NME9: variants seen among roughly 807,000 people sequenced by gnomAD.
NME9 encodes the protein NME/NM23 family member 9.
A neutral mutation model predicts 44.4 loss-of-function variants in NME9; 48 were observed. That is an observed-to-expected ratio of 1.08 (90% CI 0.86 to 1.37). NME9 has a LOEUF of 1.37. NME9 is among the 40% of genes most tolerant of loss of function. NME9 has a pLI of 0.00. For missense variants in NME9, 325 were observed against 405.2 expected (o/e 0.80, Z 1.70); for synonymous variants, 139 against 147.1 (o/e 0.94, Z 0.40).
At chr3:138,288,514 T>C (rs2108376659) in intron 8 of NME9, among the ~76,000 whole-genome samples, 1 of 152,328 alleles carries the variant, frequency 6.6e-6, no homozygotes, top group East Asian at 1.9e-4. Context: ...TGGCAAGGCT[T>C]GTACTCCTCA....
intron 8 of NME9, among the ~76,000 whole-genome samples, chr3:138,274,001 A>G (rs2049025965): frequency 6.6e-6 from 1 of 152,024 alleles, no homozygotes; most frequent in African/African-American, 2.4e-5. Context: ...TATTTGTAGT[A>G]GAGACGGGGT....
At chr3:138,280,283 T>C (rs1005589629) in intron 8 of NME9, among the ~76,000 whole-genome samples, 77 of 141,642 alleles carry the variant, frequency 5.4e-4, no homozygotes, top group African/African-American at 1.8e-3. Context: ...AAAGAATCAG[T>C]TTTTGGTTTC....
chr3:138,291,965 T>C (rs532225880), intron 8 of NME9, among the ~76,000 whole-genome samples: 14 of 152,214 alleles, frequency 9.2e-5, no homozygotes, highest in African/African-American at 3.1e-4. Context: ...TAGGAAATCA[T>C]TGGAGACTGT....
intron 8 of NME9, among the ~76,000 whole-genome samples, chr3:138,270,972 G>A (rs570269881): frequency 6.6e-6 from 1 of 152,138 alleles, no homozygotes; most frequent in African/African-American, 2.4e-5. Flanking sequence ...AAGATATATT[G>A]GTATATATTC....
chr3:138,279,688 G>A (rs910106693), intron 8 of NME9, among the ~76,000 whole-genome samples: 1 of 152,168 alleles, frequency 6.6e-6, no homozygotes, highest in Non-Finnish European at 1.5e-5. Context: ...TTGTGGAAAG[G>A]TGTTTAACTA....
At chr3:138,305,908 A>T in intron 8 of NME9, 96 bp downstream of exon 8, 1 of 865,766 alleles carries the variant, frequency 1.2e-6, no homozygotes, top group East Asian at 2.4e-5. Flanking sequence ...GGTTCTTCAT[A>T]ATTTCTTCTG....
At chr3:138,280,847 C>T (rs1261798884) in intron 8 of NME9, among the ~76,000 whole-genome samples, 1 of 152,122 alleles carries the variant, frequency 6.6e-6, no homozygotes, top group Non-Finnish European at 1.5e-5. Flanking sequence ...AGGTTGACCT[C>T]AAACTCTTGA....
downstream of NME9, chr3:138,297,299 A>G (rs2051569469): frequency 6.6e-6 from 1 of 152,158 alleles, no homozygotes. Context: ...CCCTGCTCCA[A>G]CTTCTGGGTC....
chr3:138,326,881 C>T (rs2053821601), intron 1 of NME9: 1 of 150,742 alleles, frequency 6.6e-6, no homozygotes, highest in Non-Finnish European at 1.5e-5. Context: ...GTTGCTCATG[C>T]CTGTAATCCC....
chr3:138,303,006 A>G (rs1460705817), intron 10 of NME9, among the ~76,000 whole-genome samples: 2 of 152,192 alleles, frequency 1.3e-5, no homozygotes, highest in African/African-American at 4.8e-5. Context: ...AATGCTTCCC[A>G]TGAAGGGAAG....
At chr3:138,285,583 A>G (rs1490792124) in intron 8 of NME9, among the ~76,000 whole-genome samples, 2 of 152,050 alleles carry the variant, frequency 1.3e-5, no homozygotes, top group Non-Finnish European at 2.9e-5. Context: ...ATACTTTCTT[A>G]CTGGACTCTT....
chr3:138,263,840 C>T, intron 8 of NME9: 2 of 1,607,738 alleles, frequency 1.2e-6, no homozygotes, highest in East Asian at 4.5e-5. Flanking sequence ...TTTAAATGGT[C>T]TGAATAAAAA....
chr3:138,282,587 G>A (rs954090235), intron 8 of NME9, among the ~76,000 whole-genome samples: 11 of 150,430 alleles, frequency 7.3e-5, no homozygotes, highest in Admixed American at 5.3e-4. Flanking sequence ...CAGAGGTTGC[G>A]GTGAGCCCAG....
downstream of NME9, chr3:138,297,933 T>TG (rs1213568507): frequency 6.6e-6 from 1 of 152,236 alleles, no homozygotes; most frequent in Non-Finnish European, 1.5e-5. Context: ...ATTAGAAAGC[T>TG]GAAGGCCCAA....
intron 8 of NME9, among the ~76,000 whole-genome samples, chr3:138,275,700 A>T (rs1304014394): frequency 6.6e-6 from 1 of 152,234 alleles, no homozygotes; most frequent in African/African-American, 2.4e-5. Flanking sequence ...TCTTGAGTTA[A>T]AGTAATTCAG....
chr3:138,300,543 T>C (rs773001352), downstream of NME9, among the ~76,000 whole-genome samples: 3 of 152,222 alleles, frequency 2.0e-5, no homozygotes, highest in Non-Finnish European at 4.4e-5. Flanking sequence ...GGTGGCATTG[T>C]GTGCTAATAA....
At chr3:138,301,818 G>C (rs1352683723) in intron 10 of NME9, 114 bp from the exon 11 acceptor site, 7 of 765,272 alleles carry the variant, frequency 9.1e-6, no homozygotes, top group Non-Finnish European at 1.5e-5. Context: ...AGGAGGGTCA[G>C]CAAAGAAGTC....
intron 8 of NME9, among the ~76,000 whole-genome samples, chr3:138,286,388 A>G (rs1481256034): frequency 1.3e-5 from 2 of 152,200 alleles, no homozygotes; most frequent in Non-Finnish European, 2.9e-5. Flanking sequence ...CCATGATGCC[A>G]AATCCAAAGG....
At position 138,319,029 on chromosome 3, in the gene NME9, C is replaced by T. The variant is rs181752194; in HGVS notation, c.195+449G>A. Among the ~76,000 whole-genome samples the T allele has an allele frequency of 5.8e-4, 88 of 152,114 alleles. 2 individuals carry two copies. The highest frequency in any genetic ancestry group is 2.0e-3 in the African/African-American group (81 of 41,498). The stretch of plus-strand genomic sequence containing the variant: ...CCTGGGCAATATAATTATACCTTGT[C>T]TCTACAAAAAGTTAAAAAATTAGTC... On this transcript the variant is annotated intron_variant, in intron 3 of 10. Coordinates refer to ENST00000333911, the MANE Select transcript of NME9 (RefSeq NM_001349018.2).
Sources: gnomAD v4.1 joint callset for allele counts (sites outside exome capture counted in the v4.1 genomes callset) on GRCh38, gnomAD v4.1.1 for gene constraint, MANE v1.5 for transcripts, NCBI Gene and HGNC (gene_info 2026-07-23, HGNC 2026-07-21) for gene names.